The following RAD54L2 variants were observed in gnomAD, a reference collection of about 807,000 sequenced individuals.
The protein encoded by RAD54L2 is helicase ARIP4.
A neutral mutation model predicts 138.4 loss-of-function variants in RAD54L2; 27 were observed. The observed-to-expected ratio is 0.20, with a 90% CI of 0.14 to 0.27. The LOEUF (loss-of-function observed/expected upper bound fraction) is 0.27. Among genes scored for constraint, RAD54L2 ranks in the 10% least tolerant of loss-of-function variants. RAD54L2 has a pLI of 1.00. For synonymous variants in RAD54L2, 644 were observed against 723.2 expected, an observed-to-expected ratio of 0.89 and a Z score of 1.76; for missense variants, 1,396 against 1,890.2, an observed-to-expected ratio of 0.74 and a Z score of 4.85.
intron 2 of RAD54L2, among the ~76,000 whole-genome samples, chr3:51,574,374 C>T (rs919135922): frequency 1.3e-5 from 2 of 152,140 alleles, no homozygotes; most frequent in African/African-American, 4.8e-5. Context: ...AATGGGATGG[C>T]CGGGTCAAAT....
chr3:51,574,833 A>G (rs906121169), intron 2 of RAD54L2, among the ~76,000 whole-genome samples: 1 of 152,214 alleles, frequency 6.6e-6, no homozygotes, highest in African/African-American at 2.4e-5. Flanking sequence ...TTTGCTGTGC[A>G]GAATCTCTTT....
intron 3 of RAD54L2, among the ~76,000 whole-genome samples, chr3:51,611,282 G>C (rs970552051): frequency 6.7e-6 from 1 of 149,312 alleles, no homozygotes; most frequent in Non-Finnish European, 1.5e-5. Flanking sequence ...TTTAATTTTT[G>C]TGAGTACATA....
intron 2 of RAD54L2, among the ~76,000 whole-genome samples, chr3:51,567,591 T>C (rs1395524643): frequency 6.6e-6 from 1 of 152,220 alleles, no homozygotes; most frequent in African/African-American, 2.4e-5. Context: ...TTCATAGTTA[T>C]TGATCAAGAT....
At chr3:51,581,431 C>T (rs76137798) in intron 2 of RAD54L2, among the ~76,000 whole-genome samples, 228 of 152,232 alleles carry the variant, frequency 1.5e-3, no homozygotes, top group African/African-American at 4.9e-3. Flanking sequence ...AATTCCTGCA[C>T]GGTCTTATTT....
chr3:51,643,312 C>T (rs1577454117), intron 15 of RAD54L2, among the ~76,000 whole-genome samples: 1 of 152,322 alleles, frequency 6.6e-6, no homozygotes, highest in Non-Finnish European at 1.5e-5. Flanking sequence ...GGATTACAGG[C>T]GTGAGCCACT....
At chr3:51,552,524 A>C (rs1463338518) in intron 2 of RAD54L2, among the ~76,000 whole-genome samples, 1 of 147,436 alleles carries the variant, frequency 6.8e-6, no homozygotes, top group Non-Finnish European at 1.5e-5. Flanking sequence ...GGCTTCCCAA[A>C]GTGTTGGGAT....
intron 22 of RAD54L2, 67 bp downstream of exon 22, chr3:51,660,185 ATTAAC>A (rs1369810171): frequency 4.0e-5 from 52 of 1,294,088 alleles, no homozygotes; most frequent in Non-Finnish European, 5.4e-5. Flanking sequence ...TTGGTTAGGT[ATTAAC>A]TTATTATGTG....
At chr3:51,629,234 C>G in intron 4 of RAD54L2, 100 bp from the exon 5 acceptor site, 6 of 1,332,282 alleles carry the variant, frequency 4.5e-6, no homozygotes, top group Non-Finnish European at 6.1e-6. Context: ...TCTCCCGCCT[C>G]GACTCTGAGA....
intron 20 of RAD54L2, 96 bp from the exon 21 acceptor site, chr3:51,657,484 A>G: frequency 1.3e-6 from 1 of 752,062 alleles, no homozygotes; most frequent in Non-Finnish European, 2.3e-6. Context: ...TAGGGAAACC[A>G]ATGAAGAACT....
At chr3:51,635,452 A>G in intron 9 of RAD54L2, 141 bp from the exon 10 acceptor site, 2 of 958,106 alleles carry the variant, frequency 2.1e-6, no homozygotes, top group Non-Finnish European at 3.0e-6. Flanking sequence ...TTGCTGCCAC[A>G]TGAAATCTTT....
chr3:51,663,981 G>C lies in RAD54L2; in HGVS notation c.*561G>C, dbSNP rs1701857716. The C allele has an allele frequency of 6.5e-6, 1 of 153,670 alleles. No individual in the cohort carries two copies. The highest frequency in any genetic ancestry group is 1.4e-5 in the Non-Finnish European group (1 of 69,916). 9.5% of individuals were successfully genotyped at this position (153,670 alleles called of 1,614,324 possible). A position where few individuals can be genotyped will look rare whatever the true frequency, so the allele number is the denominator to read the frequency against. ...GTGTGTGTATGTTTATTTTGTATGT[G>C]TATGTATGGAACAGAGCAGGGGTGA... is the stretch of plus-strand genomic sequence containing the variant. On this transcript the variant is annotated 3_prime_UTR_variant, in exon 23 of 23. Coordinates refer to ENST00000684192, the MANE Select transcript of RAD54L2 (RefSeq NM_015106.4).
intron 5 of RAD54L2, 146 bp from the exon 6 acceptor site, chr3:51,630,126 A>C (rs1700801656): frequency 1.6e-6 from 1 of 611,480 alleles, no homozygotes; most frequent in Non-Finnish European, 2.9e-6. Flanking sequence ...AGGAGGGCTG[A>C]GGTTTTTGAG....
At chr3:51,572,915 G>A (rs969516376) in intron 2 of RAD54L2, among the ~76,000 whole-genome samples, 9 of 151,978 alleles carry the variant, frequency 5.9e-5, no homozygotes, top group Non-Finnish European at 8.8e-5. Flanking sequence ...TGGAATTACA[G>A]GTATGAGCCA....
At chr3:51,605,620 T>G (rs932132984) in intron 3 of RAD54L2, among the ~76,000 whole-genome samples, 6 of 151,806 alleles carry the variant, frequency 4.0e-5, no homozygotes, top group African/African-American at 1.5e-4. Flanking sequence ...ACCTGGCTAA[T>G]TTTGTAGTTT....
At position 51,635,577 on chromosome 3, in the gene RAD54L2, T is replaced by C. The variant is rs759554894; in HGVS notation, c.1143-16T>C. 1 of 1,583,384 alleles carries C rather than the reference T, an allele frequency of 6.3e-7. No homozygotes were observed. The highest frequency in any genetic ancestry group is 8.6e-7 in the Non-Finnish European group (1 of 1,165,668). Reference sequence around the variant, plus strand: ...ATAATTCACATCTCACACAATTTTCTCTGTTCATCTTGCAGGACGATGGCA... The same window carrying C: ...ATAATTCACATCTCACACAATTTTCCCTGTTCATCTTGCAGGACGATGGCA... On this transcript the variant is annotated splice_polypyrimidine_tract_variant and intron_variant, in intron 9 of 22. Transcript: ENST00000684192.
chr3:51,567,941 CAAAA>C (rs763939768), intron 2 of RAD54L2, among the ~76,000 whole-genome samples: 6 of 81,680 alleles, frequency 7.3e-5, no homozygotes, highest in Middle Eastern at 6.7e-3. Context: ...GACCCTGTCT[CAAAA>C]AAAAAAAAAA....
At chr3:51,589,723 T>C (rs1434593811) in intron 2 of RAD54L2, among the ~76,000 whole-genome samples, 1 of 151,806 alleles carries the variant, frequency 6.6e-6, no homozygotes, top group Non-Finnish European at 1.5e-5. Context: ...CACACATATA[T>C]GTATATGTAT....
intron 3 of RAD54L2, among the ~76,000 whole-genome samples, chr3:51,606,088 G>A (rs1312713615): frequency 6.6e-6 from 1 of 152,230 alleles, no homozygotes; most frequent in African/African-American, 2.4e-5. Context: ...TCGAGCAGAA[G>A]CTGTGTGGGT....
At chr3:51,589,109 C>T (rs1008384508) in intron 2 of RAD54L2, among the ~76,000 whole-genome samples, 1 of 152,182 alleles carries the variant, frequency 6.6e-6, no homozygotes. Flanking sequence ...CCTCCATGTA[C>T]AATGGGGTTA....
Sources: gnomAD v4.1 joint callset for allele counts (sites outside exome capture counted in the v4.1 genomes callset) on GRCh38, gnomAD v4.1.1 for gene constraint, MANE v1.5 for transcripts, NCBI Gene and HGNC (gene_info 2026-07-23, HGNC 2026-07-21) for gene names.